The following KCNK10 variants were observed in gnomAD, a reference collection of about 807,000 sequenced individuals.
The protein encoded by KCNK10 is potassium channel subfamily K member 10.
In KCNK10, 25 loss-of-function variants were observed where a neutral mutation model predicts 47.7. The observed-to-expected ratio is 0.52, with a 90% CI of 0.38 to 0.73. The LOEUF (loss-of-function observed/expected upper bound fraction) is 0.73. Among genes scored for constraint, KCNK10 ranks in the 30% least tolerant of loss-of-function variants. KCNK10 has a pLI of 0.00. For synonymous variants in KCNK10, 303 were observed against 285.6 expected, an observed-to-expected ratio of 1.06 and a Z score of -0.61; for missense variants, 563 against 714.5, an observed-to-expected ratio of 0.79 and a Z score of 2.42.
intron 3 of KCNK10, among the ~76,000 whole-genome samples, chr14:88,233,820 C>A (rs1387125262): frequency 1.3e-5 from 2 of 152,142 alleles, no homozygotes; most frequent in Non-Finnish European, 2.9e-5. Context: ...TCCAATGTAG[C>A]CATAGTGTTT....
chr14:88,270,102 C>T (rs1453083072), intron 1 of KCNK10, among the ~76,000 whole-genome samples: 2 of 152,178 alleles, frequency 1.3e-5, no homozygotes, highest in African/African-American at 4.8e-5. Flanking sequence ...TCCCCCCTCC[C>T]CGCAGCCGAC....
intron 4 of KCNK10, among the ~76,000 whole-genome samples, chr14:88,223,604 C>T (rs1885890095): frequency 6.6e-6 from 1 of 152,140 alleles, no homozygotes; most frequent in African/African-American, 2.4e-5. Context: ...CTCAGACTCC[C>T]TCCCTTTGGC....
Position 88,185,557 on chromosome 14 carries a change from G to C in KCNK10, c.1610C>G (p.Ser537Ter). Reference protein sequence around the residue: ...DTKDREPENNSLLEDRN With the variant: ...DTKDREPENN ...CATTTAGTTTCTGTCTTCAAGTAATGAGTTGTTCTCCGGCTCCCGGTCTTT... is the reference window on the plus strand; with the variant it reads ...CATTTAGTTTCTGTCTTCAAGTAATCAGTTGTTCTCCGGCTCCCGGTCTTT... Residue 537 changes from serine to a stop codon, truncating the protein, a stop_gained, in exon 7 of 7, where the codon TCA becomes TGA. Coordinates refer to ENST00000319231, the MANE Select transcript of KCNK10 (RefSeq NM_138317.3). LOFTEE classifies it high-confidence loss of function. The surrounding 1 kb of genome is among the most constrained non-coding windows in gnomAD (Gnocchi z 4.3). 6.2e-7 allele frequency: 1 copy of C among 1,613,570 alleles called. No individual in the cohort carries two copies. The highest frequency in any genetic ancestry group is 8.5e-7 in the Non-Finnish European group (1 of 1,179,608).
chr14:88,278,959 A>C (rs1214566208), intron 1 of KCNK10, among the ~76,000 whole-genome samples: 2 of 152,186 alleles, frequency 1.3e-5, no homozygotes, highest in Admixed American at 1.3e-4. Context: ...GGCTGCCATG[A>C]GAGGTGCCAA....
intron 2 of KCNK10, among the ~76,000 whole-genome samples, chr14:88,262,789 T>A (rs1000979848): frequency 1.3e-5 from 2 of 152,162 alleles, no homozygotes; most frequent in African/African-American, 2.4e-5. Flanking sequence ...CTCTACCTCA[T>A]CCTCATGGAC....
chr14:88,314,594 A>C (rs11626088), intron 1 of KCNK10, among the ~76,000 whole-genome samples: 29,855 of 152,192 alleles, frequency 0.2, 3,133 homozygotes, highest in East Asian at 0.28. Flanking sequence ...AGGTTGTTTA[A>C]ATCTGAACTA....
At chr14:88,194,557 T>C (rs1392038261) in intron 4 of KCNK10, among the ~76,000 whole-genome samples, 2 of 152,062 alleles carry the variant, frequency 1.3e-5, no homozygotes, top group Admixed American at 1.3e-4. Context: ...CTAAATGAGG[T>C]TGAGGTTGGC....
chr14:88,314,186 T>C (rs1888382435), intron 1 of KCNK10, among the ~76,000 whole-genome samples: 1 of 152,220 alleles, frequency 6.6e-6, no homozygotes. Context: ...AAAGGTAATG[T>C]TATTAGGAGA....
intron 1 of KCNK10, among the ~76,000 whole-genome samples, chr14:88,291,158 C>T (rs114943143): frequency 0.016 from 2,399 of 152,314 alleles, 71 homozygotes; most frequent in African/African-American, 0.054. Flanking sequence ...GTGGAAACCA[C>T]GGTTGGCTTT....
intron 1 of KCNK10, among the ~76,000 whole-genome samples, chr14:88,316,458 A>T (rs1036007097): frequency 1.3e-5 from 2 of 152,176 alleles, no homozygotes; most frequent in South Asian, 4.1e-4. Context: ...CGCTGAGAGT[A>T]CCCCTAGGAC....
chr14:88,227,646 G>C, intron 3 of KCNK10, 111 bp from the exon 4 acceptor site: 1 of 906,546 alleles, frequency 1.1e-6, no homozygotes, highest in Non-Finnish European at 1.6e-6. Flanking sequence ...ATGAGCTTCA[G>C]GGAGTAGAAC....
At chr14:88,318,054 G>T (rs12884581) in intron 1 of KCNK10, among the ~76,000 whole-genome samples, 73,375 of 152,020 alleles carry the variant, frequency 0.48, 17,888 homozygotes, top group Middle Eastern at 0.57. Context: ...TTCTTACTTC[G>T]GGTCAAAGAC....
At chr14:88,296,439 G>A (rs979478471) in intron 1 of KCNK10, among the ~76,000 whole-genome samples, 4 of 152,194 alleles carry the variant, frequency 2.6e-5, no homozygotes, top group South Asian at 2.1e-4. Context: ...CGATAAATGC[G>A]TGTTGCTGCT....
Position 88,263,439 on chromosome 14 carries a change from T to C in KCNK10, c.165A>G (p.Thr55=), listed in dbSNP as rs761814426. ...TPRLSISSRA[T]VVARMEGTSQ... ...AGGTGCCTTCCATCCTGGCTACCAC[T>C]GTGGCTCGGGAGGAAATGGACAGGC... Residue 55 remains threonine, a synonymous_variant, in exon 2 of 7, where the codon ACA becomes ACG. Transcript: ENST00000319231. 21 of 1,614,032 alleles carry C rather than the reference T, an allele frequency of 1.3e-5. No individual in the cohort carries two copies. The highest frequency in any genetic ancestry group is 1.6e-5 in the Non-Finnish European group (19 of 1,180,054).
intron 4 of KCNK10, among the ~76,000 whole-genome samples, chr14:88,208,335 G>T (rs988508020): frequency 6.6e-6 from 1 of 152,194 alleles, no homozygotes; most frequent in Non-Finnish European, 1.5e-5. Flanking sequence ...GTGGCTCACG[G>T]AAGCAGGTGT....
chr14:88,192,161 GCA>G, intron 5 of KCNK10, 61 bp downstream of exon 5: 1 of 1,469,268 alleles, frequency 6.8e-7, no homozygotes, highest in Non-Finnish European at 9.2e-7. Flanking sequence ...ATTGCGAAAA[GCA>G]CAGCCAACAG....
upstream of KCNK10, among the ~76,000 whole-genome samples, chr14:88,325,975 C>G (rs1008537684): frequency 6.6e-6 from 1 of 152,030 alleles, no homozygotes; most frequent in Non-Finnish European, 1.5e-5. Flanking sequence ...GGGGTAGACT[C>G]TATTAGGGCA....
At chr14:88,212,159 G>T (rs1885484526) in intron 4 of KCNK10, among the ~76,000 whole-genome samples, 1 of 150,214 alleles carries the variant, frequency 6.7e-6, no homozygotes, top group Non-Finnish European at 1.5e-5. Flanking sequence ...GAAAGAGAGA[G>T]GCCGGGCATG....
At chr14:88,192,167 C>A in intron 5 of KCNK10, 57 bp downstream of exon 5, 2 of 1,498,174 alleles carry the variant, frequency 1.3e-6, no homozygotes, top group Non-Finnish European at 1.8e-6. Flanking sequence ...AAAAGCACAG[C>A]CAACAGATTA....
Sources: allele counts gnomAD v4.1 joint callset (sites outside exome capture counted in the v4.1 genomes callset), GRCh38; gene constraint gnomAD v4.1.1; non-coding constraint Gnocchi (gnomAD v3.1); transcripts MANE v1.5; gene names NCBI Gene and HGNC (gene_info 2026-07-23, HGNC 2026-07-21).